Variants in SHROOM3 observed in about 807,000 individuals in gnomAD.
SHROOM3 encodes the protein shroom family member 3.
SHROOM3 carries 47 observed loss-of-function variants against 138.6 expected under a neutral mutation model. The ratio of observed to expected loss-of-function variants is 0.34; its 90% confidence interval spans 0.27 to 0.43. The LOEUF (loss-of-function observed/expected upper bound fraction) is 0.43, where lower values mean the gene tolerates loss of function less well. Ranked by LOEUF, SHROOM3 falls within the 20% of genes least tolerant of loss-of-function variation. The pLI is 1.00. For synonymous variants in SHROOM3, 1,062 were observed against 1,063.3 expected, an observed-to-expected ratio of 1.00 and a Z score of 0.02; for missense variants, 2,491 against 2,596.5, an observed-to-expected ratio of 0.96 and a Z score of 0.88.
chr4:76,529,996 T>C (rs1204109000), intron 1 of SHROOM3, among the ~76,000 whole-genome samples: 3 of 152,228 alleles, frequency 2.0e-5, no homozygotes, highest in Non-Finnish European at 4.4e-5. Flanking sequence ...CAAGCTTTGC[T>C]TCTTATTAAT....
intron 2 of SHROOM3, among the ~76,000 whole-genome samples, chr4:76,647,826 G>A (rs1436562965): frequency 6.6e-6 from 1 of 152,104 alleles, no homozygotes; most frequent in African/African-American, 2.4e-5. Flanking sequence ...AGCCCTGGAG[G>A]TTGAGTCTGT....
chr4:76,739,024 G>C lies in SHROOM3; in HGVS notation c.851G>C (p.Gly284Ala), dbSNP rs1226961303. 1.2e-6 allele frequency: 2 copies of C among 1,614,088 alleles called. No homozygotes were observed. The highest frequency in any genetic ancestry group is 1.3e-5 in the African/African-American group (1 of 74,936). ...GGCATCTCTGGCCGGGAGCGTTCAG[G>C]CTCCATGGACAATACTTCTGCTCGA... is the stretch of plus-strand genomic sequence containing the variant. Reference protein sequence around the residue: ...HPGISGRERSGSMDNTSARGG... With the variant: ...HPGISGRERSASMDNTSARGG... The change falls in exon 5 of 11, where the codon GGC (glycine) becomes GCC (alanine). Residue 284 changes from glycine (G) to alanine (A), a missense_variant. Physicochemically the swap from Gly to Ala is moderately conservative, Grantham distance 60. Coordinates refer to ENST00000296043, the MANE Select transcript of SHROOM3 (RefSeq NM_020859.4).
At chr4:76,475,083 T>C (rs974540406) in intron 1 of SHROOM3, among the ~76,000 whole-genome samples, 4 of 152,128 alleles carry the variant, frequency 2.6e-5, no homozygotes, top group Non-Finnish European at 5.9e-5. Context: ...TAGTTTTGTC[T>C]TAGGGAATAC....
chr4:76,558,912 C>A (rs924033235), intron 2 of SHROOM3, among the ~76,000 whole-genome samples: 1 of 152,158 alleles, frequency 6.6e-6, no homozygotes, highest in Non-Finnish European at 1.5e-5. Context: ...GGCTGCCAGG[C>A]GGCCAGAGAT....
At chr4:76,766,428 A>C (rs1722157744) in intron 9 of SHROOM3, among the ~76,000 whole-genome samples, 1 of 152,192 alleles carries the variant, frequency 6.6e-6, no homozygotes, top group East Asian at 1.9e-4. Flanking sequence ...ACATTTCTGC[A>C]GAGGATGAGG....
chr4:76,552,532 AT>A (rs752140809), intron 1 of SHROOM3, among the ~76,000 whole-genome samples: 11 of 150,796 alleles, frequency 7.3e-5, no homozygotes, highest in Non-Finnish European at 1.5e-4. Flanking sequence ...ATGTATATAG[AT>A]ATATCAATTA....
In SHROOM3 at chr4:76,593,943, C is replaced by G. The variant is rs983375204; in HGVS notation, c.323+38180C>G. The stretch of plus-strand genomic sequence containing the variant: ...ATCGCTACTGCTGGCTGCCAGGTTG[C>G]TCGGTTATGATCAGTGGGCAGAGTG... On this transcript the variant is annotated intron_variant, in intron 2 of 10. Coordinates refer to ENST00000296043, the MANE Select transcript of SHROOM3 (RefSeq NM_020859.4). Among the ~76,000 whole-genome samples, 6 of 152,200 alleles carry G rather than the reference C, an allele frequency of 3.9e-5. 1 individual carries two copies. In the South Asian group the frequency reaches 6.2e-4, roughly 16 times the overall value.
intron 2 of SHROOM3, among the ~76,000 whole-genome samples, chr4:76,568,560 G>A (rs1157881441): frequency 6.6e-6 from 1 of 152,136 alleles, no homozygotes; most frequent in Non-Finnish European, 1.5e-5. Context: ...TGTGAAATGA[G>A]ATCGACCTAA....
chr4:76,519,539 C>A (rs1245285071), intron 1 of SHROOM3, among the ~76,000 whole-genome samples: 2 of 152,162 alleles, frequency 1.3e-5, no homozygotes, highest in African/African-American at 4.8e-5. Context: ...CAGTTGGTCT[C>A]ATTTCCCCCC....
chr4:76,578,959 G>A (rs916918267), intron 2 of SHROOM3, among the ~76,000 whole-genome samples: 2 of 152,158 alleles, frequency 1.3e-5, no homozygotes, highest in Non-Finnish European at 2.9e-5. Context: ...CAATCTGGGA[G>A]TTTGAGACCA....
chr4:76,577,034 T>C (rs1355984149), intron 2 of SHROOM3, among the ~76,000 whole-genome samples: 1 of 152,176 alleles, frequency 6.6e-6, no homozygotes, highest in Non-Finnish European at 1.5e-5. Context: ...CAGAACTGAA[T>C]ACTGGAACAA....
At chr4:76,676,944 CAAAAAAAA>C (rs58270392) in intron 2 of SHROOM3, among the ~76,000 whole-genome samples, 85 of 79,036 alleles carry the variant, frequency 1.1e-3, no homozygotes, top group African/African-American at 2.7e-3. Flanking sequence ...CTCCGTCTCA[CAAAAAAAA>C]AAAAAAAAAA....
intron 2 of SHROOM3, among the ~76,000 whole-genome samples, chr4:76,672,051 T>C (rs1468218955): frequency 6.6e-6 from 1 of 152,106 alleles, no homozygotes; most frequent in East Asian, 1.9e-4. Flanking sequence ...TGTGATACCA[T>C]AGCCCCCACA....
chr4:76,618,449 T>C (rs1734930162), intron 2 of SHROOM3, among the ~76,000 whole-genome samples: 1 of 152,228 alleles, frequency 6.6e-6, no homozygotes, highest in African/African-American at 2.4e-5. Context: ...ATAATACAGA[T>C]TGAGGACTTA....
At chr4:76,551,666 C>A (rs1461079580) in intron 1 of SHROOM3, among the ~76,000 whole-genome samples, 2 of 152,082 alleles carry the variant, frequency 1.3e-5, no homozygotes, top group Non-Finnish European at 2.9e-5. Context: ...TCAATAACTT[C>A]ACAGTCCAAG....
intron 2 of SHROOM3, among the ~76,000 whole-genome samples, chr4:76,570,889 G>T (rs1027745430): frequency 6.6e-6 from 1 of 152,088 alleles, no homozygotes; most frequent in Non-Finnish European, 1.5e-5. Context: ...TTAAGAAATG[G>T]GGTCAAAGAA....
rs149548202 is a variant in SHROOM3, at chr4:76,754,382, G to A, written c.3899G>A (p.Gly1300Asp). Residue 1300 changes from glycine (G) to aspartate (D), a missense_variant, in exon 7 of 11, where the codon GGT becomes GAT. Transcript: ENST00000296043. ...TTCCACCATCTCACCCCTCGTTGGG[G>A]TGGTTCAGGCTGCAAAGCCATTGGT... ...PLFHHLTPRW[G>D]GSGCKAIGDS... 246 of 1,614,164 alleles carry A rather than the reference G, an allele frequency of 1.5e-4. No individual in the cohort carries two copies. Among genetic ancestry groups the A allele is most frequent in the Non-Finnish European group, 1.9e-4 (227 of 1,180,024 alleles).
intron 1 of SHROOM3, among the ~76,000 whole-genome samples, chr4:76,438,476 T>C (rs922962356): frequency 1.3e-5 from 2 of 152,206 alleles, no homozygotes; most frequent in Admixed American, 1.3e-4. Context: ...AATTTTAAAC[T>C]CTGTTTAAAT....
chr4:76,705,037 C>T (rs535328986), intron 2 of SHROOM3, among the ~76,000 whole-genome samples: 23 of 152,290 alleles, frequency 1.5e-4, no homozygotes, highest in Admixed American at 8.5e-4. Context: ...GGCTCAGTTC[C>T]GTGTCTTTTA....
Sources: gnomAD v4.1 joint callset for allele counts (sites outside exome capture counted in the v4.1 genomes callset) on GRCh38, gnomAD v4.1.1 for gene constraint, MANE v1.5 for transcripts, NCBI Gene and HGNC (gene_info 2026-07-23, HGNC 2026-07-21) for gene names.